The following DCC variants were observed in gnomAD, a reference collection of about 807,000 sequenced individuals.
The protein encoded by DCC is DCC netrin 1 receptor.
Under a neutral mutation model 172.5 loss-of-function variants are expected in DCC, and 58 were observed. That is an observed-to-expected ratio of 0.34 (90% CI 0.27 to 0.42). The LOEUF (loss-of-function observed/expected upper bound fraction) is 0.42, where lower values mean the gene tolerates loss of function less well. Among genes scored for constraint, DCC ranks in the 10% least tolerant of loss-of-function variants. The probability of loss-of-function intolerance (pLI) is 1.00; values close to 1 mark genes in which losing one functional copy is unlikely to be tolerated. For missense variants in DCC, 1,740 were observed against 1,791.0 expected (o/e 0.97, Z 0.51); for synonymous variants, 709 against 644.5 (o/e 1.10, Z -1.52).
At chr18:53,136,295 T>C (rs2043741787) in intron 7 of DCC, among the ~76,000 whole-genome samples, 1 of 151,718 alleles carries the variant, frequency 6.6e-6, no homozygotes, top group Admixed American at 6.6e-5. Flanking sequence ...TATATGCCCA[T>C]CGGGAATATA....
At chr18:52,396,683 A>G (rs557745920) in intron 1 of DCC, among the ~76,000 whole-genome samples, 4 of 152,206 alleles carry the variant, frequency 2.6e-5, no homozygotes, top group African/African-American at 9.6e-5. Flanking sequence ...AAAAGTTTCA[A>G]TAAAATAGAA....
At chr18:53,209,167 A>G (rs1006307299) in intron 11 of DCC, among the ~76,000 whole-genome samples, 8 of 152,216 alleles carry the variant, frequency 5.3e-5, no homozygotes, top group African/African-American at 1.9e-4. Flanking sequence ...TTTGAATGCC[A>G]TAAAAGAGAG....
intron 5 of DCC, among the ~76,000 whole-genome samples, chr18:52,975,842 A>G (rs2041108500): frequency 6.6e-6 from 1 of 152,194 alleles, no homozygotes; most frequent in South Asian, 2.1e-4. Flanking sequence ...TCTTTATAAT[A>G]TAATGATTTT....
In DCC at chr18:53,028,221, T is replaced by C. The variant is rs568384128; in HGVS notation, c.986-35084T>C. 1.4e-4 allele frequency among the ~76,000 whole-genome samples: 22 copies of C among 152,278 alleles called. No homozygotes were observed. In the East Asian group the frequency reaches 4.2e-3, roughly 29 times the overall value. ...AAGTGCTATTATCCATATCTGAATG[T>C]GCCTCAGGTACCATTAGCAGCAGCA... On this transcript the variant is annotated intron_variant, in intron 5 of 28. Transcript: ENST00000442544.
chr18:52,996,832 C>T (rs1477497327), intron 5 of DCC, among the ~76,000 whole-genome samples: 3 of 147,020 alleles, frequency 2.0e-5, no homozygotes, highest in Non-Finnish European at 3.0e-5. Flanking sequence ...ATCTCCCTCT[C>T]GCCCTCTTTC....
chr18:53,100,225 G>C (rs763559418), intron 7 of DCC, among the ~76,000 whole-genome samples: 1 of 151,944 alleles, frequency 6.6e-6, no homozygotes, highest in African/African-American at 2.4e-5. Context: ...TGGGATTACA[G>C]TGTGAGCCAC....
At chr18:53,057,620 A>T in intron 5 of DCC, among the ~76,000 whole-genome samples, 1 of 152,138 alleles carries the variant, frequency 6.6e-6, no homozygotes, top group East Asian at 1.9e-4. Context: ...ACTGAAATCA[A>T]TATCTTGCCT....
At chr18:52,795,166 C>T (rs758758908) in intron 2 of DCC, among the ~76,000 whole-genome samples, 5 of 151,910 alleles carry the variant, frequency 3.3e-5, no homozygotes, top group Non-Finnish European at 5.9e-5. Flanking sequence ...GAATAACTGT[C>T]TCCTCTTTAA....
intron 7 of DCC, among the ~76,000 whole-genome samples, chr18:53,082,569 A>C (rs190385050): frequency 2.0e-4 from 30 of 152,260 alleles, no homozygotes; most frequent in Non-Finnish European, 3.4e-4. Flanking sequence ...GTTTTTGTTC[A>C]GTAACAAATT....
chr18:52,708,441 CAAA>C (rs10605224), intron 1 of DCC, among the ~76,000 whole-genome samples: 15,590 of 136,140 alleles, frequency 0.11, 821 homozygotes, highest in East Asian at 0.2. Flanking sequence ...GACTCTGTCT[CAAA>C]AAAAAAAAAA....
chr18:53,113,133 A>T (rs1309078698), intron 7 of DCC, among the ~76,000 whole-genome samples: 1 of 151,452 alleles, frequency 6.6e-6, no homozygotes, highest in Non-Finnish European at 1.5e-5. Flanking sequence ...CCACCAAATA[A>T]CACATCCATG....
chr18:52,635,530 G>T (rs547578220), intron 1 of DCC, among the ~76,000 whole-genome samples: 2 of 151,980 alleles, frequency 1.3e-5, no homozygotes, highest in African/African-American at 2.4e-5. Context: ...AAGGAAAAAC[G>T]TATTTTTTTA....
intron 5 of DCC, among the ~76,000 whole-genome samples, chr18:52,975,729 G>A (rs1324390558): frequency 1.3e-5 from 2 of 152,158 alleles, no homozygotes; most frequent in African/African-American, 4.8e-5. Flanking sequence ...TGGTATATAT[G>A]TACCACATGT....
chr18:53,200,544 G>A (rs570721755), intron 9 of DCC, among the ~76,000 whole-genome samples: 2 of 152,304 alleles, frequency 1.3e-5, no homozygotes, highest in African/African-American at 2.4e-5. Context: ...TGTACTGGCC[G>A]TTCTCCTGGG....
In DCC at chr18:53,488,737, G is replaced by A. The variant is rs1303188505; in HGVS notation, c.3898+1779G>A. Among the ~76,000 whole-genome samples, 7 of 152,320 alleles carry A rather than the reference G, an allele frequency of 4.6e-5. No individual in the cohort carries two copies. In the East Asian group the frequency reaches 1.3e-3, roughly 29 times the overall value. On this transcript the variant is annotated intron_variant, in intron 26 of 28. Coordinates refer to ENST00000442544, the MANE Select transcript of DCC (RefSeq NM_005215.4). ...TTATCTGTGGTTAAAAGTCTCATGT[G>A]TGACTTGTGATTTTGAGAGTGAGTA... is the stretch of plus-strand genomic sequence containing the variant.
chr18:52,824,106 C>A (rs186506308), intron 2 of DCC, among the ~76,000 whole-genome samples: 38 of 152,246 alleles, frequency 2.5e-4, no homozygotes, highest in African/African-American at 7.7e-4. Context: ...AAAGACCTCC[C>A]TGGTTGACTT....
chr18:52,456,198 CTTCAGATAT>C (rs1481043739), intron 1 of DCC, among the ~76,000 whole-genome samples: 1 of 152,104 alleles, frequency 6.6e-6, no homozygotes, highest in Non-Finnish European at 1.5e-5. Flanking sequence ...AAGGATGAAG[CTTCAGATAT>C]TTCTGGAGGT....
chr18:53,274,241 C>T (rs1042085366), intron 12 of DCC, among the ~76,000 whole-genome samples: 9 of 152,004 alleles, frequency 5.9e-5, no homozygotes, highest in Non-Finnish European at 1.2e-4. Context: ...GGGCTGTTAT[C>T]GATTCTACAG....
chr18:52,913,936 A>C (rs2040004708), intron 3 of DCC, among the ~76,000 whole-genome samples: 1 of 152,094 alleles, frequency 6.6e-6, no homozygotes, highest in African/African-American at 2.4e-5. Context: ...TATTCCTGGA[A>C]CATAAAAAAA....
Sources: allele counts gnomAD v4.1 joint callset (sites outside exome capture counted in the v4.1 genomes callset), GRCh38; gene constraint gnomAD v4.1.1; transcripts MANE v1.5; gene names NCBI Gene and HGNC (gene_info 2026-07-23, HGNC 2026-07-21).